The following FMN1 variants were observed in gnomAD, a reference collection of about 807,000 sequenced individuals.
The protein encoded by FMN1 is formin 1.
FMN1 carries 110 observed loss-of-function variants against 132.4 expected under a neutral mutation model. The observed-to-expected ratio is 0.83, with a 90% CI of 0.71 to 0.97. FMN1 has a LOEUF of 0.97. Among genes scored for constraint, FMN1 ranks in the 50% least tolerant of loss-of-function variants. FMN1 has a pLI of 0.00. For synonymous variants in FMN1, 722 were observed against 651.7 expected (o/e 1.11, Z -1.64); for missense variants, 1,792 against 1,705.3 (o/e 1.05, Z -0.90).
chr15:32,996,739 A>C (rs1044927281), intron 7 of FMN1, among the ~76,000 whole-genome samples: 2 of 152,184 alleles, frequency 1.3e-5, no homozygotes, highest in African/African-American at 4.8e-5. Context: ...TATACACACA[A>C]ACACACAATA....
chr15:33,005,968 T>C (rs2034394450), intron 7 of FMN1, among the ~76,000 whole-genome samples: 1 of 152,176 alleles, frequency 6.6e-6, no homozygotes, highest in African/African-American at 2.4e-5. Context: ...AATTGACTCA[T>C]TTTCTCTCCC....
At chr15:32,868,704 C>T (rs553138120) in intron 16 of FMN1, among the ~76,000 whole-genome samples, 1 of 152,036 alleles carries the variant, frequency 6.6e-6, no homozygotes, top group East Asian at 1.9e-4. Flanking sequence ...ACTCATTCAC[C>T]CACTTTCACT....
At chr15:33,167,735 T>C (rs1300426448) in intron 3 of FMN1, among the ~76,000 whole-genome samples, 3 of 152,252 alleles carry the variant, frequency 2.0e-5, no homozygotes, top group Non-Finnish European at 4.4e-5. Flanking sequence ...GCTGTATTCT[T>C]CTAATAAAGT....
rs759992463 is a variant in FMN1, at chr15:32,899,985, T to C, written c.3648A>G (p.Lys1216=). Residue 1216 remains lysine, a synonymous_variant, in exon 14 of 21, where the codon AAA becomes AAG. Coordinates refer to ENST00000616417, the MANE Select transcript of FMN1 (RefSeq NM_001277313.2). The part of the protein sequence containing the change: ...LEILPKLKDV[K]SRDNGINLVD... ...TATTATGAAAAATAAATACCCGACT[T>C]TTGACATCCTTGAGTTTGGGCAGAA... 1 of 1,613,286 alleles carries C rather than the reference T, an allele frequency of 6.2e-7. No homozygotes were observed. Among genetic ancestry groups the C allele is most frequent in the Admixed American group, 1.7e-5 (1 of 59,906 alleles).
chr15:33,097,570 C>A (rs546048371), intron 4 of FMN1, among the ~76,000 whole-genome samples: 1 of 152,230 alleles, frequency 6.6e-6, no homozygotes, highest in African/African-American at 2.4e-5. Context: ...TCAGAACATG[C>A]AGCCCAAAAG....
intron 4 of FMN1, among the ~76,000 whole-genome samples, chr15:33,136,607 T>A (rs1963778003): frequency 6.6e-6 from 1 of 152,116 alleles, no homozygotes; most frequent in Non-Finnish European, 1.5e-5. Flanking sequence ...CTCTACAGGG[T>A]TTGGCTCTGA....
chr15:32,888,399 G>A (rs1266201599), intron 15 of FMN1, 107 bp from the exon 16 acceptor site: 1 of 1,018,738 alleles, frequency 9.8e-7, no homozygotes, highest in Non-Finnish European at 1.4e-6. Context: ...TTGGATGTCT[G>A]AGTAAGAATC....
intron 16 of FMN1, among the ~76,000 whole-genome samples, chr15:32,863,072 A>T (rs1022229729): frequency 9.2e-5 from 14 of 152,228 alleles, no homozygotes; most frequent in African/African-American, 3.4e-4. Flanking sequence ...CTTAGATGAG[A>T]GACATAAAGT....
intron 10 of FMN1, among the ~76,000 whole-genome samples, chr15:32,922,188 G>A (rs906445880): frequency 1.3e-5 from 2 of 152,138 alleles, no homozygotes; most frequent in African/African-American, 4.8e-5. Flanking sequence ...TTGTAGTCAT[G>A]ACACCTGATG....
intron 12 of FMN1, among the ~76,000 whole-genome samples, chr15:32,907,659 C>T (rs1467096408): frequency 6.6e-6 from 1 of 152,176 alleles, no homozygotes; most frequent in Non-Finnish European, 1.5e-5. Context: ...AGCTCCATTT[C>T]TGCTTCATTT....
In FMN1 at chr15:33,067,457, T is replaced by C. The variant is rs753013338; in HGVS notation, c.2044-2383A>G. ...ATCAGAGTCAGAATCACTGGTGGTG[T>C]GCACCAGGGTCCCACGAACACAAAT... On this transcript the variant is annotated intron_variant, in intron 5 of 20. Transcript: ENST00000616417. The C allele has an allele frequency of 8.7e-6, 14 of 1,614,028 alleles. No homozygotes were observed. Among genetic ancestry groups the C allele is most frequent in the Non-Finnish European group, 1.0e-5 (12 of 1,179,906 alleles).
At chr15:32,799,817 C>T (rs992464556) in intron 18 of FMN1, among the ~76,000 whole-genome samples, 5 of 152,192 alleles carry the variant, frequency 3.3e-5, no homozygotes, top group African/African-American at 1.2e-4. Context: ...CTTTCCCCCT[C>T]ACCCCCACCT....
chr15:32,809,162 G>T lies in FMN1; in HGVS notation c.3929-4830C>A, dbSNP rs541626635. Among the ~76,000 whole-genome samples the T allele has an allele frequency of 7.6e-4, 115 of 152,216 alleles. No individual in the cohort carries two copies. In the South Asian group the frequency reaches 0.021, roughly 27 times the overall value. ...CCTGTTTTTTCCCCTTAATGACCAT[G>T]GAGTTCTGTAATCTTTGACCTGATT... is the stretch of plus-strand genomic sequence containing the variant. On this transcript the variant is annotated intron_variant, in intron 17 of 20. Transcript: ENST00000616417.
chr15:33,014,163 T>G (rs926979677), intron 6 of FMN1, among the ~76,000 whole-genome samples: 1 of 152,234 alleles, frequency 6.6e-6, no homozygotes, highest in African/African-American at 2.4e-5. Flanking sequence ...TGGTGAATGC[T>G]CACTTTGAGA....
Position 33,046,107 on chromosome 15 carries a change from A to AAT in FMN1, c.2161+18848_2161+18849dup, listed in dbSNP as rs755020438. On this transcript the variant is annotated intron_variant, in intron 6 of 20. Transcript: ENST00000616417. ...TAAAATGTATATTATATCACATATA[A>AAT]ATATATATTAGTTCTATACTTGTGA... 4.9e-4 allele frequency among the ~76,000 whole-genome samples: 74 copies of AAT among 152,204 alleles called. No individual in the cohort carries two copies. In the Middle Eastern group the frequency reaches 0.02, roughly 42 times the overall value.
rs189792796 is a variant in FMN1 at position 33,116,719 on chromosome 15, T to G, written c.1868-27745A>C. ...AATTCATATTGAAGCCCAAACATGA[T>G]TATAAGATGCGAAAACAAATAATAC... On this transcript the variant is annotated intron_variant, in intron 4 of 20. Coordinates refer to ENST00000616417, the MANE Select transcript of FMN1 (RefSeq NM_001277313.2). Among the ~76,000 whole-genome samples, 7 of 152,036 alleles carry G rather than the reference T, an allele frequency of 4.6e-5. No individual in the cohort carries two copies. In the South Asian group the frequency reaches 1.5e-3, roughly 32 times the overall value.
intron 6 of FMN1, chr15:33,012,695 G>A: frequency 1.3e-6 from 1 of 799,464 alleles, no homozygotes; most frequent in South Asian, 1.3e-5. Flanking sequence ...TCCAGCCAAA[G>A]AGGACATAGT....
At chr15:32,904,986 G>A (rs1379005924) in intron 12 of FMN1, among the ~76,000 whole-genome samples, 1 of 152,192 alleles carries the variant, frequency 6.6e-6, no homozygotes. Context: ...AATATTTATG[G>A]ATTGAGTTCC....
intron 4 of FMN1, among the ~76,000 whole-genome samples, chr15:33,113,660 C>CCA (rs2039800075): frequency 6.6e-6 from 1 of 152,084 alleles, no homozygotes; most frequent in African/African-American, 2.4e-5. Context: ...TTAAATAGTA[C>CCA]CACCACCCAC....
Sources: gnomAD v4.1 joint callset for allele counts (sites outside exome capture counted in the v4.1 genomes callset) on GRCh38, gnomAD v4.1.1 for gene constraint, MANE v1.5 for transcripts, NCBI Gene and HGNC (gene_info 2026-07-23, HGNC 2026-07-21) for gene names.